FMN1: variants seen among roughly 807,000 people sequenced by gnomAD.
FMN1 encodes formin-1.
A neutral mutation model predicts 132.4 loss-of-function variants in FMN1; 110 were observed. That is an observed-to-expected ratio of 0.83 (90% confidence interval 0.71 to 0.97). The LOEUF is 0.97. Ranked by LOEUF, FMN1 falls within the 50% of genes least tolerant of loss-of-function variation. FMN1 has a pLI of 0.00. For synonymous variants in FMN1, 722 were observed against 651.7 expected, an observed-to-expected ratio of 1.11 and a Z score of -1.64; for missense variants, 1,792 against 1,705.3, an observed-to-expected ratio of 1.05 and a Z score of -0.90.
At chr15:33,044,656 G>A (rs1310023620) in intron 6 of FMN1, among the ~76,000 whole-genome samples, 2 of 152,148 alleles carry the variant, frequency 1.3e-5, no homozygotes, top group Non-Finnish European at 2.9e-5. Flanking sequence ...GCTGCAGAGA[G>A]GAGCTACCCA....
intron 5 of FMN1, among the ~76,000 whole-genome samples, chr15:33,082,317 C>A (rs1432005162): frequency 6.6e-6 from 1 of 152,116 alleles, no homozygotes; most frequent in African/African-American, 2.4e-5. Flanking sequence ...AGGTGATCCA[C>A]CTGCCTCGGC....
chr15:32,913,482 T>C (rs761337314), intron 10 of FMN1, among the ~76,000 whole-genome samples: 5 of 152,276 alleles, frequency 3.3e-5, no homozygotes, highest in East Asian at 1.9e-4. Context: ...TCTCCTACCA[T>C]GTTCTCCATG....
intron 7 of FMN1, among the ~76,000 whole-genome samples, chr15:32,981,543 AATTATT>A (rs3081379): frequency 2.2e-5 from 3 of 138,402 alleles, no homozygotes; most frequent in Non-Finnish European, 3.1e-5. Flanking sequence ...TAATAATAAT[AATTATT>A]ATTATTATTA....
rs528642750 is a variant in FMN1 at position 32,963,116 on chromosome 15, G to A, written c.3138+991C>T. The stretch of plus-strand genomic sequence containing the variant: ...CCCAAATGCCCAACAATGATAGACT[G>A]GATTAAGAAAATGTGGCACATATAC... On this transcript the variant is annotated intron_variant, in intron 9 of 20. Transcript: ENST00000616417. Among the ~76,000 whole-genome samples, 295 of 149,560 alleles carry A rather than the reference G, an allele frequency of 2.0e-3. 1 individual carries two copies. Among genetic ancestry groups the A allele is most frequent in the African/African-American group, 7.1e-3 (281 of 39,616 alleles).
At chr15:33,067,041 C>T (rs921959404) in intron 5 of FMN1, 17 of 1,614,008 alleles carry the variant, frequency 1.1e-5, no homozygotes, top group Non-Finnish European at 1.4e-5. Flanking sequence ...TTCTTCAGCA[C>T]ACGAAGCCCA....
intron 17 of FMN1, among the ~76,000 whole-genome samples, chr15:32,829,134 C>T (rs910214561): frequency 7.9e-5 from 12 of 152,154 alleles, no homozygotes; most frequent in Admixed American, 6.5e-5. Flanking sequence ...AACTCCAGCC[C>T]AAATGAAGCA....
intron 6 of FMN1, among the ~76,000 whole-genome samples, chr15:33,023,452 GAAT>G (rs1398238035): frequency 6.6e-5 from 10 of 152,096 alleles, no homozygotes; most frequent in East Asian, 1.9e-4. Context: ...ATAAAGGCAA[GAAT>G]AATAATCATC....
At chr15:32,859,432 A>G (rs1244181110) in intron 16 of FMN1, among the ~76,000 whole-genome samples, 1 of 152,200 alleles carries the variant, frequency 6.6e-6, no homozygotes, top group East Asian at 1.9e-4. Context: ...CGGCATTCCC[A>G]GTTCCATGTC....
rs2059503689 is a variant in FMN1 at position 32,871,037 on chromosome 15, G to A, written c.3836-13930C>T. On this transcript the variant is annotated intron_variant, in intron 16 of 20. Coordinates refer to ENST00000616417, the MANE Select transcript of FMN1 (RefSeq NM_001277313.2). ...TGGAAGAAAAAGGCACATACTGCAA[G>A]CTCTGGCATCGAGGTGGACTGTGTG... is the stretch of plus-strand genomic sequence containing the variant. 2.6e-5 allele frequency among the ~76,000 whole-genome samples: 4 copies of A among 152,306 alleles called. No homozygotes were observed. In the South Asian group the frequency reaches 8.3e-4, roughly 32 times the overall value.
chr15:32,929,486 G>A (rs987345364), intron 9 of FMN1, among the ~76,000 whole-genome samples: 3 of 151,984 alleles, frequency 2.0e-5, no homozygotes, highest in African/African-American at 4.8e-5. Context: ...TAAATGTATA[G>A]TACATTATTA....
At chr15:33,177,120 A>T (rs1965541474) in intron 3 of FMN1, among the ~76,000 whole-genome samples, 1 of 152,244 alleles carries the variant, frequency 6.6e-6, no homozygotes, top group South Asian at 2.1e-4. Flanking sequence ...TTTACAAGGA[A>T]GAAGCTGAGG....
At chr15:32,796,098 C>T (rs906951612) in intron 19 of FMN1, among the ~76,000 whole-genome samples, 6 of 152,180 alleles carry the variant, frequency 3.9e-5, no homozygotes, top group Admixed American at 3.9e-4. Context: ...AAGCTGTTAT[C>T]TTGTTATGAA....
intron 5 of FMN1, among the ~76,000 whole-genome samples, chr15:33,083,500 C>T (rs1190304441): frequency 6.6e-6 from 1 of 152,164 alleles, no homozygotes. Context: ...TTGAGCTAAT[C>T]ACCAATGTAA....
chr15:32,914,053 C>T (rs2060624986), intron 10 of FMN1, among the ~76,000 whole-genome samples: 1 of 152,112 alleles, frequency 6.6e-6, no homozygotes, highest in African/African-American at 2.4e-5. Context: ...TAATTGTGCC[C>T]CCAACTCACA....
chr15:33,079,045 A>G (rs543669779), intron 5 of FMN1, among the ~76,000 whole-genome samples: 35 of 152,344 alleles, frequency 2.3e-4, no homozygotes, highest in African/African-American at 8.4e-4. Flanking sequence ...CAATATTTCA[A>G]TTCACTTATA....
chr15:32,894,002 A>G (rs144913918), intron 15 of FMN1, among the ~76,000 whole-genome samples: 13 of 152,338 alleles, frequency 8.5e-5, no homozygotes, highest in African/African-American at 2.6e-4. Flanking sequence ...AACCTAGGGT[A>G]TGTGCTTATG....
chr15:33,116,165 TCCC>T (rs2140149290), intron 4 of FMN1, among the ~76,000 whole-genome samples: 1 of 152,312 alleles, frequency 6.6e-6, no homozygotes, highest in African/African-American at 2.4e-5. Context: ...GTTACTTAAA[TCCC>T]CATTTATACA....
At chr15:32,977,158 C>A (rs547528261) in intron 7 of FMN1, among the ~76,000 whole-genome samples, 1 of 152,208 alleles carries the variant, frequency 6.6e-6, no homozygotes, top group African/African-American at 2.4e-5. Flanking sequence ...TACATCAATG[C>A]ATATAATTAT....
Position 32,804,434 on chromosome 15 carries a change from ATTCGGGGGGGGG to A in FMN1, c.3929-114_3929-103del, listed in dbSNP as rs1567194314. On this transcript the variant is annotated intron_variant, in intron 17 of 20. Coordinates refer to ENST00000616417, the MANE Select transcript of FMN1 (RefSeq NM_001277313.2). ...CCATTCATTACCACAGGAGGTCTGA[ATTCGGGGGGGGG>A]GGGGGGGGGTAGCCTGTAACACATG... 645 of 94,458 alleles carry A rather than the reference ATTCGGGGGGGGG, an allele frequency of 6.8e-3. 26 individuals carry two copies. Among genetic ancestry groups the A allele is most frequent in the African/African-American group, 7.8e-3 (96 of 12,370 alleles). The allele number at this position is 94,458 out of a possible 1,614,324, so 5.9% of individuals were successfully genotyped here. A position where few individuals can be genotyped will look rare whatever the true frequency, so the allele number is the denominator to read the frequency against.
Sources: gnomAD v4.1 joint callset for allele counts (sites outside exome capture counted in the v4.1 genomes callset) on GRCh38, gnomAD v4.1.1 for gene constraint, MANE v1.5 for transcripts, NCBI Gene and HGNC (gene_info 2026-07-23, HGNC 2026-07-21) for gene names.